Variants in ZMPSTE24 observed in about 807,000 individuals in gnomAD.
The protein encoded by ZMPSTE24 is CAAX prenyl protease 1 homolog.
In ZMPSTE24, 48 loss-of-function variants were observed where a neutral mutation model predicts 56.7. That is an observed-to-expected ratio of 0.85 (90% CI 0.67 to 1.08). ZMPSTE24 has a LOEUF of 1.08. Ranked by LOEUF, ZMPSTE24 falls within the 50% of genes least tolerant of loss-of-function variation. ZMPSTE24 has a pLI of 0.00. For synonymous variants in ZMPSTE24, 172 were observed against 195.2 expected, an observed-to-expected ratio of 0.88 and a Z score of 0.99; for missense variants, 503 against 548.7, an observed-to-expected ratio of 0.92 and a Z score of 0.83.
intron 5 of ZMPSTE24, 91 bp from the exon 6 acceptor site, chr1:40,271,803 A>C (rs1290547201): frequency 1.4e-6 from 2 of 1,434,308 alleles, no homozygotes; most frequent in African/African-American, 2.9e-5. Flanking sequence ...TGAGGTCAAC[A>C]TAGTTGTTTT....
intron 2 of ZMPSTE24, among the ~76,000 whole-genome samples, chr1:40,266,761 GTTTTTTTT>G (rs3075102): frequency 9.1e-5 from 8 of 88,116 alleles, no homozygotes; most frequent in African/African-American, 2.4e-4. Flanking sequence ...TTTCGAACAA[GTTTTTTTT>G]TTTTTTTTTT....
chr1:40,290,025 TATAGAAAATG>T (rs754699828), intron 8 of ZMPSTE24, among the ~76,000 whole-genome samples: 10 of 152,302 alleles, frequency 6.6e-5, no homozygotes, highest in Middle Eastern at 3.4e-3. Context: ...AGCTTGCCCT[TATAGAAAATG>T]ATACAGTTTA....
intron 7 of ZMPSTE24, among the ~76,000 whole-genome samples, chr1:40,285,576 A>G (rs1472714225): frequency 1.3e-5 from 2 of 152,208 alleles, no homozygotes; most frequent in African/African-American, 4.8e-5. Flanking sequence ...TGATTTTGTA[A>G]TATAATGTGA....
chr1:40,271,779 C>T (rs945331387), intron 5 of ZMPSTE24, 115 bp from the exon 6 acceptor site: 1 of 1,202,514 alleles, frequency 8.3e-7, no homozygotes, highest in African/African-American at 1.5e-5. Context: ...AAGTAAGTTC[C>T]TTGTTCTCAA....
At position 40,260,891 on chromosome 1, in the gene ZMPSTE24, T is replaced by C. The variant is rs1437869360; in HGVS notation, c.176T>C (p.Met59Thr). 6.2e-7 allele frequency: 1 copy of C among 1,614,160 alleles called. No homozygotes were observed. Among genetic ancestry groups the C allele is most frequent in the Non-Finnish European group, 8.5e-7 (1 of 1,179,996 alleles). The change falls in exon 2 of 10, where the codon ATG becomes ACG. Residue 59 changes from methionine (M) to threonine (T), a missense_variant. Transcript: ENST00000372759. ...THVPPELGQI[M>T]DSETFEKSRL... ...GTACCACCGGAGTTAGGACAGATCATGGATTCTGAAACATTTGAGAAATCT... is the reference window on the plus strand; with the variant it reads ...GTACCACCGGAGTTAGGACAGATCACGGATTCTGAAACATTTGAGAAATCT...
chr1:40,272,116 GAATT>G lies in ZMPSTE24; in HGVS notation c.769+85_769+88del, dbSNP rs199602661. 2.3e-3 allele frequency: 3,142 copies of G among 1,394,320 alleles called. 57 individuals are homozygous for G. The African/African-American group carries it at 0.041, about 18-fold the overall frequency. The allele number at this position is 1,394,320 out of a possible 1,614,324, so 86.4% of individuals were successfully genotyped here. A position where few individuals can be genotyped will look rare whatever the true frequency, so the allele number is the denominator to read the frequency against. On this transcript the variant is annotated intron_variant, in intron 6 of 9. Coordinates refer to ENST00000372759, the MANE Select transcript of ZMPSTE24 (RefSeq NM_005857.5). ...CTTTATTCTTAAAATTTTAATAAAA[GAATT>G]AATCAGTTTTTGTTTTTTTCTTTTT... is the stretch of plus-strand genomic sequence containing the variant.
intron 7 of ZMPSTE24, 91 bp from the exon 8 acceptor site, chr1:40,285,834 A>T (rs1643781727): frequency 1.9e-6 from 2 of 1,025,736 alleles, no homozygotes; most frequent in Non-Finnish European, 2.9e-6. Context: ...TTATTTCTTT[A>T]AGTTAAAATC....
Position 40,290,918 on chromosome 1 carries a change from C to G in ZMPSTE24, c.1124C>G (p.Ala375Gly), listed in dbSNP as rs1318016484. 5 of 1,613,892 alleles carry G rather than the reference C, an allele frequency of 3.1e-6. No individual in the cohort carries two copies. The highest frequency in any genetic ancestry group is 4.2e-6 in the Non-Finnish European group (5 of 1,179,946). ...ATTGGTCGAAAGGAGCTTTTTGCTG[C>G]ATTTGGTTTTTATGATAGCCAACCC... ...VLIGRKELFA[A>G]FGFYDSQPTL... Residue 375 changes from alanine to glycine, a missense_variant, in exon 9 of 10, where the codon GCA becomes GGA. Ala to Gly is a moderately conservative substitution (Grantham distance 60). Coordinates refer to ENST00000372759, the MANE Select transcript of ZMPSTE24 (RefSeq NM_005857.5).
chr1:40,293,557 A>G lies in ZMPSTE24; in HGVS notation c.*888A>G, dbSNP rs1379552653. The G allele has an allele frequency of 6.6e-6, 1 of 152,232 alleles. No homozygotes were observed. The highest frequency in any genetic ancestry group is 1.5e-5 in the Non-Finnish European group (1 of 68,052). 9.4% of individuals were successfully genotyped at this position (152,232 alleles called of 1,614,324 possible). A position where few individuals can be genotyped will look rare whatever the true frequency, so the allele number is the denominator to read the frequency against. On this transcript the variant is annotated 3_prime_UTR_variant, in exon 10 of 10. Transcript: ENST00000372759. ...AATTAAAAATAACATTTTTTAAGCGACATAAGGATGAAATACTGATGAATC... is the reference window on the plus strand; with the variant it reads ...AATTAAAAATAACATTTTTTAAGCGGCATAAGGATGAAATACTGATGAATC...
chr1:40,273,293 G>A (rs538041944), intron 6 of ZMPSTE24, among the ~76,000 whole-genome samples: 8 of 151,980 alleles, frequency 5.3e-5, no homozygotes, highest in Admixed American at 3.3e-4. Context: ...CAAGGCAGGC[G>A]GATCACCTGA....
At chr1:40,273,516 T>TAAA (rs1205861105) in intron 6 of ZMPSTE24, among the ~76,000 whole-genome samples, 10 of 10,582 alleles carry the variant, frequency 9.5e-4, no homozygotes, top group Non-Finnish European at 1.5e-3. Flanking sequence ...AAATTCTGTC[T>TAAA]AAAAAAAAAA....
At chr1:40,278,667 G>A (rs60534340) in intron 6 of ZMPSTE24, among the ~76,000 whole-genome samples, 3 of 141,958 alleles carry the variant, frequency 2.1e-5, no homozygotes, top group Non-Finnish European at 4.6e-5. Context: ...AAAGCTTAAA[G>A]AAATTAAGAA....
chr1:40,286,389 A>G (rs1273065513), intron 8 of ZMPSTE24, among the ~76,000 whole-genome samples: 1 of 152,206 alleles, frequency 6.6e-6, no homozygotes, highest in Non-Finnish European at 1.5e-5. Flanking sequence ...AAGCCTAGAT[A>G]AGTTGGACAT....
rs1643862164 is a variant in ZMPSTE24, at chr1:40,293,366, A to AT, written c.*697_*698insT. On this transcript the variant is annotated 3_prime_UTR_variant, in exon 10 of 10. Transcript: ENST00000372759. ...TTGTTTGTTTCTTTTGTTTTTTGGA[A>AT]AATCCGTGTCTTTATCTTTTTTTCC... The AT allele has an allele frequency of 6.6e-6, 1 of 152,046 alleles. No individual in the cohort carries two copies. The highest frequency in any genetic ancestry group is 2.4e-5 in the African/African-American group (1 of 41,394). 9.4% of individuals were successfully genotyped at this position (152,046 alleles called of 1,614,324 possible).
chr1:40,292,592 T>G lies in ZMPSTE24; in HGVS notation c.1351T>G (p.Leu451Val), dbSNP rs11577203. 6.2e-7 allele frequency: 1 copy of G among 1,614,132 alleles called. No individual in the cohort carries two copies. The change falls in exon 10 of 10, where the codon TTG becomes GTG. Residue 451 changes from leucine (L) to valine (V), a missense_variant. By Grantham distance (32) the Leu-to-Val change is conservative (BLOSUM62 1). Coordinates refer to ENST00000372759, the MANE Select transcript of ZMPSTE24 (RefSeq NM_005857.5). ...CTTGGGATTCCCTGTTTCTGACTGG[T>G]TGTTCTCAATGTGGCATTATTCTCA... ...DNLGFPVSDW[L>V]FSMWHYSHPP...
In ZMPSTE24 at chr1:40,281,445, A is replaced by G. The variant is rs774038936; in HGVS notation, c.872A>G (p.Asn291Ser). ...CTACTAGAAGAGTACTCTGTACTAA[A>G]CAAAGACATCCAGGAGGATTCTGGC... ...DTLLEEYSVLNKDIQEDSGME... is the reference protein window; with the variant it reads ...DTLLEEYSVLSKDIQEDSGME... Residue 291 changes from asparagine to serine, a missense_variant, in exon 7 of 10, where the codon AAC becomes AGC. By Grantham distance (46) the Asn-to-Ser change is conservative. Coordinates refer to ENST00000372759, the MANE Select transcript of ZMPSTE24 (RefSeq NM_005857.5). 2 of 1,614,166 alleles carry G rather than the reference A, an allele frequency of 1.2e-6. No individual in the cohort carries two copies. Among genetic ancestry groups the G allele is most frequent in the South Asian group, 2.2e-5 (2 of 91,086 alleles).
intron 4 of ZMPSTE24, among the ~76,000 whole-genome samples, chr1:40,269,705 A>G (rs1185241559): frequency 2.0e-5 from 3 of 152,144 alleles, no homozygotes; most frequent in Non-Finnish European, 4.4e-5. Context: ...GGCTCAAGCA[A>G]TCCTCCCATC....
At chr1:40,262,743 T>G in intron 2 of ZMPSTE24, 2 of 931,854 alleles carry the variant, frequency 2.1e-6, no homozygotes, top group Non-Finnish European at 2.7e-6. Context: ...CATTGCTTGG[T>G]AAGTGTATTT....
intron 8 of ZMPSTE24, among the ~76,000 whole-genome samples, chr1:40,286,728 CT>C (rs34496576): frequency 0.051 from 6,283 of 123,070 alleles, 391 homozygotes; most frequent in African/African-American, 0.16. Context: ...CCCTAAAATG[CT>C]TTTTTTTTTT....
Sources: gnomAD v4.1 joint callset for allele counts (sites outside exome capture counted in the v4.1 genomes callset) on GRCh38, gnomAD v4.1.1 for gene constraint, MANE v1.5 for transcripts, NCBI Gene and HGNC (gene_info 2026-07-23, HGNC 2026-07-21) for gene names.